SMAP1: variants seen among roughly 807,000 people sequenced by gnomAD.
The protein encoded by SMAP1 is stromal membrane-associated protein 1.
Under a neutral mutation model 58.5 loss-of-function variants are expected in SMAP1, and 24 were observed. That is an observed-to-expected ratio of 0.41 (90% CI 0.30 to 0.58). The LOEUF is 0.58. Among genes scored for constraint, SMAP1 ranks in the 20% least tolerant of loss-of-function variants. The pLI is 0.29. For synonymous variants in SMAP1, 216 were observed against 196.6 expected, an observed-to-expected ratio of 1.10 and a Z score of -0.82; for missense variants, 563 against 566.3, an observed-to-expected ratio of 0.99 and a Z score of 0.06.
intron 6 of SMAP1, among the ~76,000 whole-genome samples, chr6:70,827,797 A>G (rs532860644): frequency 5.9e-5 from 9 of 152,228 alleles, no homozygotes; most frequent in African/African-American, 1.9e-4. Flanking sequence ...GGTAGTGTCC[A>G]TAGGTCTTAC....
chr6:70,757,934 A>C (rs980719644), intron 3 of SMAP1, among the ~76,000 whole-genome samples: 10 of 152,158 alleles, frequency 6.6e-5, no homozygotes, highest in African/African-American at 2.4e-4. Flanking sequence ...AATGTAAACT[A>C]GTTCAACCAT....
intron 1 of SMAP1, chr6:70,668,552 T>C: frequency 1.3e-6 from 2 of 1,530,396 alleles, no homozygotes; most frequent in Non-Finnish European, 8.7e-7. Context: ...GGGGCCGCGC[T>C]TAGGTCTGGA....
intron 1 of SMAP1, among the ~76,000 whole-genome samples, chr6:70,682,997 C>T (rs1766785158): frequency 6.6e-6 from 1 of 151,948 alleles, no homozygotes; most frequent in South Asian, 2.1e-4. Context: ...GAGATCGTGC[C>T]ACTGCACTCC....
At chr6:70,669,911 A>C (rs1766193332) in intron 1 of SMAP1, among the ~76,000 whole-genome samples, 1 of 152,196 alleles carries the variant, frequency 6.6e-6, no homozygotes, top group South Asian at 2.1e-4. Context: ...AATGCTTTCT[A>C]AAATAATACA....
At chr6:70,788,645 G>A (rs1768194340) in intron 4 of SMAP1, among the ~76,000 whole-genome samples, 1 of 152,066 alleles carries the variant, frequency 6.6e-6, no homozygotes, top group Admixed American at 6.6e-5. Flanking sequence ...ACTAGCAAGA[G>A]GAAAGGCCCC....
intron 3 of SMAP1, among the ~76,000 whole-genome samples, chr6:70,765,484 ATTAT>A (rs1766932279): frequency 1.3e-5 from 2 of 152,336 alleles, no homozygotes; most frequent in Admixed American, 1.3e-4. Context: ...AAGTGAGATA[ATTAT>A]TTACCCAATT....
intron 2 of SMAP1, among the ~76,000 whole-genome samples, chr6:70,748,030 A>G (rs1055921939): frequency 3.3e-5 from 5 of 152,214 alleles, no homozygotes; most frequent in African/African-American, 7.2e-5. Flanking sequence ...TGGACTCTGT[A>G]TTAAATATTT....
At chr6:70,849,120 C>T (rs916185270) in intron 7 of SMAP1, among the ~76,000 whole-genome samples, 1 of 152,108 alleles carries the variant, frequency 6.6e-6, no homozygotes, top group African/African-American at 2.4e-5. Context: ...CACAAGGATG[C>T]TCTGTAGAGA....
intron 6 of SMAP1, among the ~76,000 whole-genome samples, chr6:70,808,267 A>G (rs1426695054): frequency 6.6e-6 from 1 of 152,206 alleles, no homozygotes; most frequent in Non-Finnish European, 1.5e-5. Context: ...ACTTCTGATC[A>G]TGTGTTAAGA....
chr6:70,792,273 A>G (rs1331748837), intron 5 of SMAP1, among the ~76,000 whole-genome samples: 2 of 151,820 alleles, frequency 1.3e-5, no homozygotes, highest in African/African-American at 2.4e-5. Context: ...ATGTATTTTT[A>G]AAGTCATCTG....
At chr6:70,800,554 A>G (rs533875908) in intron 6 of SMAP1, among the ~76,000 whole-genome samples, 1 of 152,180 alleles carries the variant, frequency 6.6e-6, no homozygotes, top group South Asian at 2.1e-4. Context: ...TCTAGGGTAT[A>G]TGTGCACAGT....
chr6:70,852,456 C>A, intron 7 of SMAP1, 84 bp from the exon 8 acceptor site: 2 of 1,249,728 alleles, frequency 1.6e-6, no homozygotes, highest in Non-Finnish European at 2.1e-6. Flanking sequence ...TTTTTTTTAA[C>A]CATATATCAA....
At chr6:70,848,805 T>A (rs1222148597) in intron 7 of SMAP1, among the ~76,000 whole-genome samples, 1 of 152,188 alleles carries the variant, frequency 6.6e-6, no homozygotes, top group Non-Finnish European at 1.5e-5. Context: ...ATTGAAGCAA[T>A]CCCTTTTAAA....
At chr6:70,699,129 G>GT in intron 1 of SMAP1, among the ~76,000 whole-genome samples, 1 of 152,358 alleles carries the variant, frequency 6.6e-6, no homozygotes, top group Non-Finnish European at 1.5e-5. Flanking sequence ...CCCAGACCCA[G>GT]TAACACTGAC....
chr6:70,844,913 C>T (rs1466431823), intron 7 of SMAP1, among the ~76,000 whole-genome samples: 1 of 152,118 alleles, frequency 6.6e-6, no homozygotes, highest in African/African-American at 2.4e-5. Context: ...GGAGTTTTGC[C>T]ATTAAGGAGA....
At chr6:70,668,204 C>T (rs1198442246) in intron 1 of SMAP1, 63 bp downstream of exon 1, 16 of 1,440,110 alleles carry the variant, frequency 1.1e-5, no homozygotes, top group Non-Finnish European at 1.5e-5. Context: ...CTTCCCGCCG[C>T]TGCGGCGCTC....
chr6:70,718,107 C>G (rs1008756116), intron 1 of SMAP1, among the ~76,000 whole-genome samples: 12 of 151,970 alleles, frequency 7.9e-5, no homozygotes, highest in African/African-American at 2.9e-4. Context: ...CCCCTTCCGA[C>G]TTAAAAAATT....
intron 2 of SMAP1, among the ~76,000 whole-genome samples, chr6:70,740,722 A>G (rs542970754): frequency 3.7e-4 from 56 of 152,284 alleles, no homozygotes; most frequent in Admixed American, 1.1e-3. Context: ...ATTGTGGCCC[A>G]TTCACACTTA....
chr6:70,831,299 A>G (rs1770348547), intron 6 of SMAP1, among the ~76,000 whole-genome samples: 1 of 151,998 alleles, frequency 6.6e-6, no homozygotes, highest in Non-Finnish European at 1.5e-5. Context: ...TTAGGGGTAC[A>G]TGTGCAGGTT....
Sources: allele counts gnomAD v4.1 joint callset (sites outside exome capture counted in the v4.1 genomes callset), GRCh38; gene constraint gnomAD v4.1.1; transcripts MANE v1.5; gene names NCBI Gene and HGNC (gene_info 2026-07-23, HGNC 2026-07-21).